The following TRIO variants were observed in gnomAD, a reference collection of about 807,000 sequenced individuals.
TRIO encodes triple functional domain protein.
TRIO carries 58 observed loss-of-function variants against 351.9 expected under a neutral mutation model. That is an observed-to-expected ratio of 0.16 (90% CI 0.13 to 0.21). The LOEUF (loss-of-function observed/expected upper bound fraction) is 0.21. Among genes scored for constraint, TRIO ranks in the 10% least tolerant of loss-of-function variants. The pLI, the probability that TRIO is intolerant of heterozygous loss-of-function variation, is 1.00. For synonymous variants in TRIO, 1,758 were observed against 1,595.7 expected (o/e 1.10, Z -2.42); for missense variants, 3,201 against 4,027.8 (o/e 0.79, Z 5.56).
chr5:14,323,462 G>A (rs1266101866), intron 9 of TRIO, among the ~76,000 whole-genome samples: 1 of 152,180 alleles, frequency 6.6e-6, no homozygotes, highest in Non-Finnish European at 1.5e-5. Context: ...ACAGGGAACA[G>A]GCTTTCCTAG....
intron 1 of TRIO, among the ~76,000 whole-genome samples, chr5:14,230,753 A>C (rs1033878565): frequency 6.6e-6 from 1 of 152,010 alleles, no homozygotes; most frequent in Non-Finnish European, 1.5e-5. Flanking sequence ...TTGCTGTTTC[A>C]AGATATTGGT....
chr5:14,372,270 G>T (rs1038256360), intron 18 of TRIO, among the ~76,000 whole-genome samples: 1 of 150,284 alleles, frequency 6.7e-6, no homozygotes, highest in South Asian at 2.1e-4. Flanking sequence ...GAGAGAGAGA[G>T]AGAGAGTGCA....
At chr5:14,494,882 G>C (rs1251978233) in intron 49 of TRIO, among the ~76,000 whole-genome samples, 2 of 152,224 alleles carry the variant, frequency 1.3e-5, no homozygotes, top group Admixed American at 1.3e-4. Flanking sequence ...CTGGGCAGCA[G>C]AGTGAGACTC....
intron 1 of TRIO, among the ~76,000 whole-genome samples, chr5:14,185,407 T>C (rs1790047379): frequency 6.6e-6 from 1 of 152,176 alleles, no homozygotes; most frequent in African/African-American, 2.4e-5. Flanking sequence ...ATAGCTGTGA[T>C]GAAAAACGTG....
At chr5:14,329,029 G>C (rs951396800) in intron 9 of TRIO, among the ~76,000 whole-genome samples, 1 of 152,216 alleles carries the variant, frequency 6.6e-6, no homozygotes, top group African/African-American at 2.4e-5. Flanking sequence ...CAGATGTGAA[G>C]GTCAGTGGTT....
chr5:14,279,258 A>G (rs1269149088), intron 2 of TRIO, among the ~76,000 whole-genome samples: 3 of 152,222 alleles, frequency 2.0e-5, no homozygotes, highest in Non-Finnish European at 4.4e-5. Context: ...CATAATTCCT[A>G]TGAAGTTATG....
Position 14,290,988 on chromosome 5 carries a change from C to T in TRIO, c.813C>T (p.Pro271=). ...SQLKKKVIKA[P]IEDLDLEGQK... ...TGAAGAAGAAGGTGATTAAGGCCCCCATCGAGGACCTGGATTTGGAGGGAC... is the reference window on the plus strand; with the variant it reads ...TGAAGAAGAAGGTGATTAAGGCCCCTATCGAGGACCTGGATTTGGAGGGAC... The change falls in exon 5 of 57, where the codon CCC becomes CCT. Residue 271 remains proline, a synonymous_variant. Transcript: ENST00000344204. The T allele has an allele frequency of 6.2e-7, 1 of 1,614,172 alleles. No homozygotes were observed.
In TRIO at chr5:14,297,162, G is replaced by A. The variant is rs1263777171; in HGVS notation, c.1267G>A (p.Ala423Thr). 2.5e-6 allele frequency: 4 copies of A among 1,614,206 alleles called. No individual in the cohort carries two copies. Among genetic ancestry groups the A allele is most frequent in the East Asian group, 2.2e-5 (1 of 44,878 alleles). The change falls in exon 7 of 57, where the codon GCG becomes ACG. Residue 423 changes from alanine to threonine, a missense_variant. This residue lies in a region of TRIO where 349 missense variants were observed against 449.3 expected (regional missense o/e 0.78). Transcript: ENST00000344204. ...HYASQQIRQI[A>T]SQLEQEWKAF... ...TGCCTCGCAGCAGATCAGGCAGATC[G>A]CGAGTCAGCTGGAGCAGGAGTGGAA...
At chr5:14,404,815 A>G (rs956483416) in intron 31 of TRIO, among the ~76,000 whole-genome samples, 1 of 152,106 alleles carries the variant, frequency 6.6e-6, no homozygotes, top group Admixed American at 6.6e-5. Flanking sequence ...TCTGGTTAAA[A>G]CGGTTTCTGT....
chr5:14,191,637 G>T (rs1790464734), intron 1 of TRIO, among the ~76,000 whole-genome samples: 1 of 151,880 alleles, frequency 6.6e-6, no homozygotes, highest in African/African-American at 2.4e-5. Flanking sequence ...TTAACATATG[G>T]AATGTAATTT....
At chr5:14,145,271 G>GTAGA in intron 1 of TRIO, among the ~76,000 whole-genome samples, 1 of 152,376 alleles carries the variant, frequency 6.6e-6, no homozygotes, top group African/African-American at 2.4e-5. Flanking sequence ...AGCAGTGCTG[G>GTAGA]TAGATACCTG....
intron 42 of TRIO, 35 bp downstream of exon 42, chr5:14,479,385 A>G (rs1755347098): frequency 2.0e-6 from 3 of 1,536,488 alleles, no homozygotes; most frequent in Non-Finnish European, 2.7e-6. Flanking sequence ...AGTATTTCTG[A>G]ATCTTTTGTT....
intron 1 of TRIO, among the ~76,000 whole-genome samples, chr5:14,224,813 C>T (rs1380312906): frequency 6.6e-6 from 1 of 151,762 alleles, no homozygotes; most frequent in African/African-American, 2.4e-5. Context: ...CAGGACATAC[C>T]ACCAATTTTT....
At chr5:14,485,622 C>T (rs1755860589) in intron 47 of TRIO, among the ~76,000 whole-genome samples, 1 of 152,108 alleles carries the variant, frequency 6.6e-6, no homozygotes, top group Non-Finnish European at 1.5e-5. Context: ...TTTGCGAGAA[C>T]ACGAGATGGC....
At chr5:14,346,745 T>A (rs915901814) in intron 11 of TRIO, among the ~76,000 whole-genome samples, 13 of 152,260 alleles carry the variant, frequency 8.5e-5, no homozygotes, top group Non-Finnish European at 1.8e-4. Flanking sequence ...AACATTTAAT[T>A]TGTAGACAAG....
At chr5:14,222,794 A>C (rs1317863782) in intron 1 of TRIO, among the ~76,000 whole-genome samples, 1 of 152,186 alleles carries the variant, frequency 6.6e-6, no homozygotes, top group African/African-American at 2.4e-5. Context: ...AAGAATCCTG[A>C]AGCCCCAGTT....
intron 41 of TRIO, 31 bp from the exon 42 acceptor site, chr5:14,479,230 T>G: frequency 6.3e-7 from 1 of 1,576,044 alleles, no homozygotes; most frequent in Admixed American, 1.7e-5. Flanking sequence ...CCCATTGTTA[T>G]AACCCAACTG....
intron 27 of TRIO, among the ~76,000 whole-genome samples, chr5:14,393,624 G>A (rs1424951801): frequency 6.6e-6 from 1 of 152,100 alleles, no homozygotes; most frequent in African/African-American, 2.4e-5. Context: ...TCTGTCTTAG[G>A]TGCTAGTGTA....
intron 1 of TRIO, among the ~76,000 whole-genome samples, chr5:14,167,424 T>A (rs974652883): frequency 2.0e-5 from 3 of 152,156 alleles, no homozygotes; most frequent in Non-Finnish European, 1.5e-5. Context: ...GCTGCAGGGC[T>A]GTTTGAAATC....
Sources: allele counts gnomAD v4.1 joint callset (sites outside exome capture counted in the v4.1 genomes callset), GRCh38; gene constraint gnomAD v4.1.1; regional missense constraint gnomAD v4.1.1; transcripts MANE v1.5; gene names NCBI Gene and HGNC (gene_info 2026-07-23, HGNC 2026-07-21).